The following DPH6 variants were observed in gnomAD, a reference collection of about 807,000 sequenced individuals.
The protein encoded by DPH6 is diphthamine biosynthesis 6.
Under a neutral mutation model 38.2 loss-of-function variants are expected in DPH6, and 33 were observed. The ratio of observed to expected loss-of-function variants is 0.86; its 90% CI spans 0.65 to 1.15. The LOEUF is 1.15. Ranked by LOEUF, DPH6 falls within the 50% of genes most tolerant of loss-of-function variation. The probability of loss-of-function intolerance (pLI) is 0.00; values close to 1 mark genes in which losing one functional copy is unlikely to be tolerated. For synonymous variants in DPH6, 108 were observed against 103.0 expected, an observed-to-expected ratio of 1.05 and a Z score of -0.30; for missense variants, 325 against 320.0, an observed-to-expected ratio of 1.02 and a Z score of -0.12.
the DPH6 span, among the ~76,000 whole-genome samples, chr15:35,186,485 G>T: frequency 6.6e-6 from 1 of 152,264 alleles, no homozygotes; most frequent in Admixed American, 6.5e-5. Context: ...GTACCCCTCA[G>T]CTCCTGCTCT....
At chr15:35,191,639 TA>T in the DPH6 span, among the ~76,000 whole-genome samples, 1 of 152,156 alleles carries the variant, frequency 6.6e-6, no homozygotes, top group African/African-American at 2.4e-5. Flanking sequence ...AATTGTCCAA[TA>T]AAAATGATAG....
At chr15:35,403,898 A>C (rs563544312) in intron 6 of DPH6, among the ~76,000 whole-genome samples, 1 of 150,986 alleles carries the variant, frequency 6.6e-6, no homozygotes, top group Non-Finnish European at 1.5e-5. Context: ...AGCCTCTGGT[A>C]ACCATCCTTT....
intron 3 of DPH6, among the ~76,000 whole-genome samples, chr15:35,495,008 A>C (rs932908518): frequency 6.6e-6 from 1 of 152,186 alleles, no homozygotes; most frequent in Non-Finnish European, 1.5e-5. Flanking sequence ...AAAAGTAATA[A>C]GTGAAGTAGC....
the DPH6 span, among the ~76,000 whole-genome samples, chr15:35,198,526 A>C: frequency 6.6e-6 from 1 of 152,240 alleles, no homozygotes; most frequent in Non-Finnish European, 1.5e-5. Flanking sequence ...AGAAACTTGC[A>C]TACAAAATTA....
At chr15:35,363,884 T>C (rs1399759640) in intron 3 of DPH6, among the ~76,000 whole-genome samples, 2 of 152,018 alleles carry the variant, frequency 1.3e-5, no homozygotes, top group African/African-American at 4.8e-5. Flanking sequence ...TTTTTTTATA[T>C]ACAATGCAAA....
the DPH6 span, among the ~76,000 whole-genome samples, chr15:35,191,871 CTA>C: frequency 6.6e-6 from 1 of 152,200 alleles, no homozygotes; most frequent in Non-Finnish European, 1.5e-5. Flanking sequence ...CTACATGTAG[CTA>C]TGTCTCTACT....
intron 3 of DPH6, among the ~76,000 whole-genome samples, chr15:35,295,419 T>C (rs1683404529): frequency 6.6e-6 from 1 of 152,216 alleles, no homozygotes; most frequent in South Asian, 2.1e-4. Flanking sequence ...AGTTGCTTTA[T>C]CTTTCCCACC....
chr15:35,409,777 C>T (rs1386481952), intron 6 of DPH6, among the ~76,000 whole-genome samples: 4 of 151,778 alleles, frequency 2.6e-5, no homozygotes, highest in Admixed American at 6.6e-5. Context: ...AACCATGTTC[C>T]ATAAATTGAC....
At chr15:35,365,750 A>C (rs1452169340) in intron 3 of DPH6, 1 of 981,492 alleles carries the variant, frequency 1.0e-6, no homozygotes, top group East Asian at 1.1e-4. Context: ...AAGTCCATTT[A>C]CTCGAGACAG....
intron 3 of DPH6, among the ~76,000 whole-genome samples, chr15:35,464,272 A>G (rs1163145394): frequency 2.6e-5 from 4 of 151,224 alleles, no homozygotes; most frequent in African/African-American, 9.8e-5. Context: ...CCAGCCTGGC[A>G]ATAGGGCAAG....
In DPH6 at chr15:35,320,600, T is replaced by C. The variant is rs2052232137; in HGVS notation, n.200+52921A>G. 3.3e-5 allele frequency among the ~76,000 whole-genome samples: 5 copies of C among 152,212 alleles called. No individual in the cohort carries two copies. The South Asian group carries it at 1.0e-3, about 32-fold the overall frequency. The stretch of plus-strand genomic sequence containing the variant: ...TAGCTGGCTTCCCAGACACAGCCTA[T>C]TCCTTCTAGTTCCCTGCAGTTGTTA... On this transcript the variant is annotated intron_variant and non_coding_transcript_variant, in intron 3 of 3. Transcript: ENST00000560386.
intron 6 of DPH6, among the ~76,000 whole-genome samples, chr15:35,397,869 A>ATATATACACG (rs1555398531): frequency 9.2e-6 from 1 of 108,490 alleles, no homozygotes; most frequent in South Asian, 2.8e-4. Flanking sequence ...TTATATATAT[A>ATATATACACG]CACACACACA....
chr15:35,298,066 A>G (rs942934189), intron 3 of DPH6, among the ~76,000 whole-genome samples: 1 of 151,946 alleles, frequency 6.6e-6, no homozygotes, highest in African/African-American at 2.4e-5. Context: ...TTGTAAACGG[A>G]TTTTTATACT....
chr15:35,312,377 C>T (rs2052150872), intron 3 of DPH6, among the ~76,000 whole-genome samples: 1 of 152,164 alleles, frequency 6.6e-6, no homozygotes, highest in South Asian at 2.1e-4. Flanking sequence ...TTTTAGAAAC[C>T]TCCAAGGGAG....
intron 6 of DPH6, among the ~76,000 whole-genome samples, chr15:35,391,010 A>G (rs2053048062): frequency 6.6e-6 from 1 of 152,166 alleles, no homozygotes; most frequent in Non-Finnish European, 1.5e-5. Flanking sequence ...TGACGTACAG[A>G]TGGGTTTTTG....
chr15:35,423,340 C>T (rs2053529593), intron 5 of DPH6, among the ~76,000 whole-genome samples: 1 of 151,754 alleles, frequency 6.6e-6, no homozygotes, highest in South Asian at 2.1e-4. Context: ...ATTTGTATGT[C>T]TCATTTGGAG....
chr15:35,252,598 G>C lies in DPH6; in HGVS notation n.201-32016C>G, dbSNP rs577750724. On this transcript the variant is annotated intron_variant and non_coding_transcript_variant, in intron 3 of 3. Transcript: ENST00000560386. Reference sequence around the variant, plus strand: ...AAGCACTGCTGGAGGGTTATATAACGTGACACAGTAAAACCTGTTATCAAT... The same window carrying C: ...AAGCACTGCTGGAGGGTTATATAACCTGACACAGTAAAACCTGTTATCAAT... Among the ~76,000 whole-genome samples the C allele has an allele frequency of 4.6e-5, 7 of 152,320 alleles. No individual in the cohort carries two copies. In the South Asian group the frequency reaches 1.5e-3, roughly 32 times the overall value.
chr15:35,193,450 C>T, the DPH6 span, among the ~76,000 whole-genome samples: 1 of 151,972 alleles, frequency 6.6e-6, no homozygotes, highest in African/African-American at 2.4e-5. Context: ...AATAATTTCT[C>T]ATATATAAAT....
chr15:35,353,406 G>A lies in DPH6; in HGVS notation n.207+20115C>T, dbSNP rs2052532499. On this transcript the variant is annotated intron_variant and non_coding_transcript_variant, in intron 3 of 3. Coordinates refer to the DPH6 transcript ENST00000558973. ...TAGGTTTTCTTCTAGGGTTTTTATG[G>A]TTTTAAGTCTAACATGTAAGTCTTT... Among the ~76,000 whole-genome samples the A allele has an allele frequency of 2.0e-5, 3 of 152,266 alleles. No individual in the cohort carries two copies. In the South Asian group the frequency reaches 6.2e-4, roughly 32 times the overall value.
Sources: allele counts gnomAD v4.1 joint callset (sites outside exome capture counted in the v4.1 genomes callset), GRCh38; gene constraint gnomAD v4.1.1; transcripts MANE v1.5; gene names NCBI Gene and HGNC (gene_info 2026-07-23, HGNC 2026-07-21).